The following AP1S2 variants were observed in gnomAD, a reference collection of about 807,000 sequenced individuals.
The protein encoded by AP1S2 is AP-1 complex subunit sigma-2.
In AP1S2, 1 loss-of-function variant was observed where a neutral mutation model predicts 14.3. The observed-to-expected ratio is 0.07, with a 90% CI of 0.02 to 0.33. AP1S2 has a LOEUF of 0.33. Among genes scored for constraint, AP1S2 ranks in the 10% least tolerant of loss-of-function variants. AP1S2 has a pLI of 0.99. For synonymous variants in AP1S2, 30 were observed against 40.5 expected, an observed-to-expected ratio of 0.74 and a Z score of 0.99; for missense variants, 30 against 117.7, an observed-to-expected ratio of 0.25 and a Z score of 3.45.
chrX:15,828,693 C>G (rs978988323), intron 4 of AP1S2, among the ~76,000 whole-genome samples: 14 of 109,478 alleles, frequency 1.3e-4, no homozygotes, highest in African/African-American at 3.3e-4. Flanking sequence ...GATATAAGAA[C>G]AGCTAAACAT....
At chrX:15,847,644 A>G (rs911783805) in intron 2 of AP1S2, among the ~76,000 whole-genome samples, 7 of 112,159 alleles carry the variant, frequency 6.2e-5, no homozygotes, top group Admixed American at 2.8e-4. Context: ...TCTCTTTCCC[A>G]TCGTTACTGT....
At chrX:15,844,043 C>T (rs1601859229) in intron 4 of AP1S2, among the ~76,000 whole-genome samples, 1 of 111,906 alleles carries the variant, frequency 8.9e-6, no homozygotes, top group Non-Finnish European at 1.9e-5. Context: ...TTTGCAGGCA[C>T]CTTAACCACT....
At chrX:15,845,548 G>T in intron 3 of AP1S2, 32 bp from the exon 4 acceptor site, 1 of 1,193,609 alleles carries the variant, frequency 8.4e-7, no homozygotes. Flanking sequence ...AAAAAGAAAA[G>T]AAAAAATTGT....
intron 2 of AP1S2, among the ~76,000 whole-genome samples, chrX:15,849,188 T>C (rs977840218): frequency 3.6e-5 from 4 of 112,452 alleles, no homozygotes; most frequent in African/African-American, 1.3e-4. Context: ...GTCTGTCTTT[T>C]CAGCTAATAT....
chrX:15,841,752 A>C (rs1933841433), intron 4 of AP1S2, among the ~76,000 whole-genome samples: 1 of 112,381 alleles, frequency 8.9e-6, no homozygotes, highest in African/African-American at 3.2e-5. Context: ...ACTCTTTTCC[A>C]CACAGAAAAA....
intron 4 of AP1S2, among the ~76,000 whole-genome samples, chrX:15,842,628 ATTTC>A (rs1226294286): frequency 8.9e-6 from 1 of 112,695 alleles, no homozygotes; most frequent in African/African-American, 3.2e-5. Context: ...AACAGTACTC[ATTTC>A]TTTATTTTAA....
chrX:15,827,675 A>G (rs1933307069), intron 5 of AP1S2, among the ~76,000 whole-genome samples: 1 of 111,977 alleles, frequency 8.9e-6, no homozygotes, highest in African/African-American at 3.2e-5. Context: ...TTATGAAATC[A>G]CTGCTACTCA....
At chrX:15,839,978 T>C (rs1455689218) in intron 4 of AP1S2, among the ~76,000 whole-genome samples, 2 of 111,915 alleles carry the variant, frequency 1.8e-5, no homozygotes, top group Non-Finnish European at 3.8e-5. Flanking sequence ...CCACAGATTA[T>C]TACTTTCACA....
At chrX:15,830,310 T>C in intron 4 of AP1S2, 1 of 753,683 alleles carries the variant, frequency 1.3e-6, no homozygotes, top group Non-Finnish European at 1.6e-6. Context: ...TGTTTCTCAA[T>C]GCTTCCAATA....
intron 4 of AP1S2, chrX:15,833,600 T>C: frequency 1.7e-6 from 1 of 592,872 alleles, no homozygotes; most frequent in Non-Finnish European, 2.1e-6. Context: ...AATTTCCCAG[T>C]TTAGACTTCT....
intron 4 of AP1S2, chrX:15,833,186 G>A (rs1052460615): frequency 8.0e-6 from 6 of 752,491 alleles, no homozygotes; most frequent in Non-Finnish European, 7.8e-6. Flanking sequence ...ACCAACCATC[G>A]AGAGCTTACG....
chrX:15,843,845 C>A (rs1482237866), intron 4 of AP1S2, among the ~76,000 whole-genome samples: 1 of 111,690 alleles, frequency 9.0e-6, no homozygotes, highest in Admixed American at 9.5e-5. Flanking sequence ...ACTTTAAAAA[C>A]CAATTTTACA....
chrX:15,845,194 C>T (rs1181283705), intron 4 of AP1S2, 185 bp downstream of exon 4: 142 of 752,231 alleles, frequency 1.9e-4, no homozygotes, highest in Non-Finnish European at 2.2e-4. Context: ...CAAACTGAAC[C>T]ATCCATCCAT....
chrX:15,845,347 C>T, intron 4 of AP1S2, 32 bp downstream of exon 4: 7 of 1,207,963 alleles, frequency 5.8e-6, no homozygotes, highest in Non-Finnish European at 7.8e-6. Context: ...GCAAAACATG[C>T]TAGTGCCTAG....
intron 4 of AP1S2, chrX:15,832,799 G>A: frequency 1.1e-6 from 1 of 914,071 alleles, no homozygotes; most frequent in East Asian, 4.3e-5. Context: ...CCAGTTTAAT[G>A]AAGTAATTGG....
intron 4 of AP1S2, among the ~76,000 whole-genome samples, chrX:15,829,779 G>A (rs1250761781): frequency 2.7e-5 from 3 of 111,225 alleles, no homozygotes; most frequent in Non-Finnish European, 5.7e-5. Context: ...GTCGAATGGT[G>A]GTTGCCAGGG....
chrX:15,848,073 C>G (rs911851092), intron 2 of AP1S2, among the ~76,000 whole-genome samples: 11 of 111,608 alleles, frequency 9.9e-5, no homozygotes, highest in African/African-American at 2.6e-4. Context: ...TAAAAATCAT[C>G]AGAAACAATG....
intron 4 of AP1S2, chrX:15,832,894 A>C: frequency 9.9e-7 from 1 of 1,013,925 alleles, no homozygotes; most frequent in Non-Finnish European, 1.3e-6. Flanking sequence ...TGTCATTACA[A>C]ACTGAATTTA....
chrX:15,830,061 C>A (rs1933383196), intron 4 of AP1S2: 6 of 739,116 alleles, frequency 8.1e-6, no homozygotes, highest in Non-Finnish European at 9.6e-6. Flanking sequence ...AGACGAAGTA[C>A]ATGCAATACT....
Sources: gnomAD v4.1 joint callset for allele counts (sites outside exome capture counted in the v4.1 genomes callset) on GRCh38, gnomAD v4.1.1 for gene constraint, MANE v1.5 for transcripts, NCBI Gene and HGNC (gene_info 2026-07-23, HGNC 2026-07-21) for gene names.